Variants in TJP1 observed in about 807,000 individuals in gnomAD.
TJP1 encodes tight junction protein ZO-1.
In TJP1, 43 loss-of-function variants were observed where a neutral mutation model predicts 194.2. The observed-to-expected ratio is 0.22, with a 90% CI of 0.17 to 0.29. The LOEUF is 0.29. Among genes scored for constraint, TJP1 ranks in the 10% least tolerant of loss-of-function variants. TJP1 has a pLI of 1.00. For missense variants in TJP1, 1,971 were observed against 2,185.7 expected (o/e 0.90, Z 1.96); for synonymous variants, 801 against 779.0 (o/e 1.03, Z -0.47).
At chr15:29,834,259 T>G (rs2252453) in intron 2 of TJP1, among the ~76,000 whole-genome samples, 129,783 of 149,602 alleles carry the variant, frequency 0.87, 56,358 homozygotes, top group East Asian at 0.96. Context: ...GTCTCACTCT[T>G]TTGCCAGGCT....
intron 1 of TJP1, among the ~76,000 whole-genome samples, chr15:29,963,557 C>T (rs1054162295): frequency 6.6e-6 from 1 of 152,164 alleles, no homozygotes; most frequent in Admixed American, 6.5e-5. Context: ...ACTGATAGTG[C>T]ATGGCCTTAA....
Position 29,722,807 on chromosome 15 carries a change from T to C in TJP1, c.2413-2099A>G, listed in dbSNP as rs151061505. Among the ~76,000 whole-genome samples, 140 of 152,346 alleles carry C rather than the reference T, an allele frequency of 9.2e-4. No homozygotes were observed. In the South Asian group the frequency reaches 0.01, roughly 11 times the overall value. ...CCCTGCGTGGCTACAGGGGCAGAGCTGTCCAAGGCCTTGGTAGCTCACCCC... is the reference window on the plus strand; with the variant it reads ...CCCTGCGTGGCTACAGGGGCAGAGCCGTCCAAGGCCTTGGTAGCTCACCCC... On this transcript the variant is annotated intron_variant, in intron 18 of 27. Coordinates refer to ENST00000614355, the MANE Select transcript of TJP1 (RefSeq NM_001330239.4).
At chr15:29,783,070 T>C (rs1043166247) in intron 2 of TJP1, among the ~76,000 whole-genome samples, 2 of 152,018 alleles carry the variant, frequency 1.3e-5, no homozygotes, top group African/African-American at 4.8e-5. Flanking sequence ...GGTCAGAAGT[T>C]CGAGGCCAGC....
In TJP1 at chr15:29,737,395, T is replaced by C; in HGVS notation, c.1276A>G (p.Lys426Glu). 1 of 1,614,188 alleles carries C rather than the reference T, an allele frequency of 6.2e-7. No individual in the cohort carries two copies. Among genetic ancestry groups the C allele is most frequent in the Non-Finnish European group, 8.5e-7 (1 of 1,180,030 alleles). Residue 426 changes from lysine (K) to glutamate (E), a missense_variant, in exon 11 of 28, where the codon AAA becomes GAA. Physicochemically the swap from Lys to Glu is moderately conservative, Grantham distance 56. This residue lies in a region of TJP1 where 24 missense variants were observed against 54.2 expected (regional missense o/e 0.44). Transcript: ENST00000614355. ...GILRPSMKLV[K>E]FRKGDSVGLR... Reference sequence around the variant, plus strand: ...CCCACACTATCTCCTTTTCTGAATTTTACCAATTTCATGCTGGGCCTGTTA... The same window carrying C: ...CCCACACTATCTCCTTTTCTGAATTCTACCAATTTCATGCTGGGCCTGTTA...
chr15:29,791,342 A>G (rs2048070412), intron 2 of TJP1, among the ~76,000 whole-genome samples: 1 of 148,102 alleles, frequency 6.8e-6, no homozygotes, highest in South Asian at 2.1e-4. Flanking sequence ...TTTGGGATAT[A>G]TACTCAGCAG....
At chr15:29,702,305 G>A (rs1181033411) in intron 27 of TJP1, among the ~76,000 whole-genome samples, 1 of 152,082 alleles carries the variant, frequency 6.6e-6, no homozygotes, top group East Asian at 1.9e-4. Flanking sequence ...GATTCCAGCT[G>A]GACAACAAAA....
chr15:29,900,654 C>G (rs2053607059), intron 2 of TJP1, among the ~76,000 whole-genome samples: 1 of 152,208 alleles, frequency 6.6e-6, no homozygotes, highest in African/African-American at 2.4e-5. Context: ...TGCATACAAA[C>G]TTGTTTCTGA....
At position 29,948,660 on chromosome 15, in the gene TJP1, G is replaced by T. The variant is rs76736564; in HGVS notation, c.306+7572C>A. 7.5e-3 allele frequency among the ~76,000 whole-genome samples: 1,149 copies of T among 152,234 alleles called. 14 individuals are homozygous for T. The highest frequency in any genetic ancestry group is 0.026 in the African/African-American group (1,096 of 41,516). On this transcript the variant is annotated intron_variant, in intron 2 of 28. Transcript: ENST00000356107. ...GCACAAGCCTACCGAGGAAGCCTAC[G>T]CAGAGGAGGGGAGATGCAAAGTATC...
rs529281429 is a variant in TJP1 at position 29,952,082 on chromosome 15, TA to T, written c.306+4149del. On this transcript the variant is annotated intron_variant, in intron 2 of 28. Transcript: ENST00000356107. ...AGCTAGGAATGTAAACATCATTCAC[TA>T]AATCTAAAGACAAAAGGTCACTTTT... is the stretch of plus-strand genomic sequence containing the variant. Among the ~76,000 whole-genome samples the T allele has an allele frequency of 5.6e-3, 851 of 152,348 alleles. 3 individuals are homozygous for T. Among genetic ancestry groups the T allele is most frequent in the Middle Eastern group, 0.031 (9 of 294 alleles).
intron 2 of TJP1, among the ~76,000 whole-genome samples, chr15:29,774,098 A>G (rs1289212628): frequency 6.6e-6 from 1 of 152,204 alleles, no homozygotes; most frequent in African/African-American, 2.4e-5. Flanking sequence ...ACTTAAGAGT[A>G]GTTTAAAGAG....
upstream of TJP1, chr15:29,822,676 C>T (rs2050502819): frequency 5.5e-6 from 1 of 181,990 alleles, no homozygotes; most frequent in Non-Finnish European, 1.0e-5. Flanking sequence ...TGCGAGTCTT[C>T]CTGTTTGTTT....
chr15:29,823,428 A>C (rs2050549074), upstream of TJP1: 1 of 152,262 alleles, frequency 6.6e-6, no homozygotes, highest in Non-Finnish European at 1.5e-5. Context: ...TCTTCAAAAA[A>C]TGCCAGAAAT....
At chr15:29,706,374 G>C (rs758787798) in intron 25 of TJP1, among the ~76,000 whole-genome samples, 20 of 152,284 alleles carry the variant, frequency 1.3e-4, no homozygotes, top group Non-Finnish European at 2.1e-4. Flanking sequence ...CTGATGCCTT[G>C]AACACCCAAC....
chr15:29,930,619 T>C (rs2054676922), intron 2 of TJP1, among the ~76,000 whole-genome samples: 1 of 85,030 alleles, frequency 1.2e-5, no homozygotes. Context: ...ACAGCAAATA[T>C]CATACTTACT....
At chr15:29,938,501 C>A (rs2054956739) in intron 2 of TJP1, among the ~76,000 whole-genome samples, 1 of 152,118 alleles carries the variant, frequency 6.6e-6, no homozygotes, top group Admixed American at 6.5e-5. Flanking sequence ...CAATTACTTG[C>A]AGAAAGTAAA....
intron 1 of TJP1, chr15:29,820,429 T>G: frequency 1.5e-6 from 1 of 686,346 alleles, no homozygotes; most frequent in East Asian, 2.7e-5. Flanking sequence ...ATGTTTACAA[T>G]GCAAAAAAGT....
chr15:29,874,382 G>A (rs1046596932), intron 2 of TJP1, among the ~76,000 whole-genome samples: 2 of 152,160 alleles, frequency 1.3e-5, no homozygotes, highest in African/African-American at 4.8e-5. Context: ...TGTCCCCTCA[G>A]CAGTAAGGGC....
intron 2 of TJP1, among the ~76,000 whole-genome samples, chr15:29,900,765 T>C (rs1596215743): frequency 1.3e-5 from 2 of 152,226 alleles, no homozygotes; most frequent in Admixed American, 6.5e-5. Flanking sequence ...ACAAACTCTA[T>C]TGAATTTCTA....
rs2151645935 is a variant in TJP1 at position 29,773,343 on chromosome 15, T to C, written c.99A>G (p.Gly33=). 3 of 1,613,662 alleles carry C rather than the reference T, an allele frequency of 1.9e-6. No homozygotes were observed. Among genetic ancestry groups the C allele is most frequent in the Non-Finnish European group, 2.5e-6 (3 of 1,179,790 alleles). The change falls in exon 3 of 28, where the codon GGA becomes GGG. Residue 33 remains glycine (G), a synonymous_variant. Transcript: ENST00000614355. ...TVTLHRAPGF[G]FGIAISGGRD... ...GTCCACCAGATATTGCAATTCCAAATCCAAATCCAGGAGCCTAAAGTAAAA... is the reference window on the plus strand; with the variant it reads ...GTCCACCAGATATTGCAATTCCAAACCCAAATCCAGGAGCCTAAAGTAAAA...
Sources: allele counts gnomAD v4.1 joint callset (sites outside exome capture counted in the v4.1 genomes callset), GRCh38; gene constraint gnomAD v4.1.1; regional missense constraint gnomAD v4.1.1; transcripts MANE v1.5; gene names NCBI Gene and HGNC (gene_info 2026-07-23, HGNC 2026-07-21).